The following STAC variants were observed in gnomAD, a reference collection of about 807,000 sequenced individuals.
STAC encodes SH3 and cysteine rich domain.
A neutral mutation model predicts 48.8 loss-of-function variants in STAC; 43 were observed. The ratio of observed to expected loss-of-function variants is 0.88; its 90% CI spans 0.69 to 1.14. The LOEUF (loss-of-function observed/expected upper bound fraction) is 1.14. Ranked by LOEUF, STAC falls within the 50% of genes most tolerant of loss-of-function variation. The pLI is 0.00. For missense variants in STAC, 497 were observed against 504.0 expected, an observed-to-expected ratio of 0.99 and a Z score of 0.13; for synonymous variants, 193 against 179.5, an observed-to-expected ratio of 1.07 and a Z score of -0.60.
At chr3:36,516,271 C>T (rs184224945) in intron 8 of STAC, among the ~76,000 whole-genome samples, 34 of 152,136 alleles carry the variant, frequency 2.2e-4, no homozygotes, top group African/African-American at 7.0e-4. Flanking sequence ...CGCGAACCAC[C>T]GTGCCCAGCC....
intron 6 of STAC, among the ~76,000 whole-genome samples, chr3:36,503,913 T>A (rs1254096807): frequency 2.0e-5 from 3 of 152,200 alleles, no homozygotes; most frequent in African/African-American, 4.8e-5. Flanking sequence ...AAAGCTTTAA[T>A]CTTCAAAATA....
chr3:36,540,875 T>C (rs1699308126), intron 10 of STAC, among the ~76,000 whole-genome samples: 1 of 152,196 alleles, frequency 6.6e-6, no homozygotes. Context: ...GCTTCTAAAT[T>C]TGTGGTGATT....
intron 1 of STAC, among the ~76,000 whole-genome samples, chr3:36,388,893 T>C (rs1448202307): frequency 4.6e-5 from 7 of 152,182 alleles, no homozygotes; most frequent in African/African-American, 1.7e-4. Context: ...TCAATTTTTG[T>C]AGCTTAATAA....
chr3:36,401,432 T>G (rs1442355094), intron 1 of STAC, among the ~76,000 whole-genome samples: 1 of 152,188 alleles, frequency 6.6e-6, no homozygotes, highest in Non-Finnish European at 1.5e-5. Flanking sequence ...AAAGCTACCT[T>G]AAGGACCTCG....
chr3:36,508,037 G>C (rs569763652), intron 8 of STAC, among the ~76,000 whole-genome samples: 2 of 152,072 alleles, frequency 1.3e-5, no homozygotes, highest in African/African-American at 2.4e-5. Flanking sequence ...GATCTTTCTT[G>C]CTTTCTCCTG....
In STAC at chr3:36,472,501, T is replaced by A. The variant is rs1697368620; in HGVS notation, c.389-10491T>A. ...TTCTATAGCATAGTGCGGCTGCACA[T>A]TTTCTGAACTTTGATGCTGTTTCCC... On this transcript the variant is annotated intron_variant, in intron 2 of 10. Coordinates refer to ENST00000273183, the MANE Select transcript of STAC (RefSeq NM_003149.3). Among the ~76,000 whole-genome samples the A allele has an allele frequency of 4.6e-5, 7 of 152,356 alleles. No homozygotes were observed. The South Asian group carries it at 1.4e-3, about 32-fold the overall frequency.
chr3:36,403,297 T>C (rs1044210073), intron 1 of STAC, among the ~76,000 whole-genome samples: 78 of 152,120 alleles, frequency 5.1e-4, no homozygotes, highest in Non-Finnish European at 9.0e-4. Context: ...AATCTCCCAA[T>C]ACATAGAACA....
At chr3:36,472,655 G>A (rs998380280) in intron 2 of STAC, among the ~76,000 whole-genome samples, 3 of 152,146 alleles carry the variant, frequency 2.0e-5, no homozygotes, top group African/African-American at 7.2e-5. Flanking sequence ...TCTAGGGCAG[G>A]GGCAAAATGC....
intron 1 of STAC, among the ~76,000 whole-genome samples, chr3:36,420,776 G>A (rs73059990): frequency 0.023 from 3,541 of 152,194 alleles, 61 homozygotes; most frequent in East Asian, 0.026. Context: ...TGGTACTTTT[G>A]TGATTGTTAA....
At chr3:36,466,797 GAC>G in intron 2 of STAC, among the ~76,000 whole-genome samples, 1 of 152,162 alleles carries the variant, frequency 6.6e-6, no homozygotes, top group South Asian at 2.1e-4. Context: ...AGCAAATAGC[GAC>G]AGTTTGACTT....
intron 1 of STAC, among the ~76,000 whole-genome samples, chr3:36,424,533 C>T (rs1700519859): frequency 6.6e-6 from 1 of 152,036 alleles, no homozygotes; most frequent in African/African-American, 2.4e-5. Context: ...TTAATGCCAC[C>T]CCAGTAGCAA....
intron 1 of STAC, among the ~76,000 whole-genome samples, chr3:36,403,357 A>C (rs1235348700): frequency 6.6e-6 from 1 of 152,190 alleles, no homozygotes; most frequent in Non-Finnish European, 1.5e-5. Flanking sequence ...GAAAGTTGAC[A>C]CAGGTCAACC....
chr3:36,419,195 C>T lies in STAC; in HGVS notation c.112-24169C>T, dbSNP rs533884198. Among the ~76,000 whole-genome samples the T allele has an allele frequency of 8.5e-5, 13 of 152,258 alleles. No homozygotes were observed. The South Asian group carries it at 2.7e-3, about 32-fold the overall frequency. On this transcript the variant is annotated intron_variant, in intron 1 of 10. Transcript: ENST00000273183. Reference sequence around the variant, plus strand: ...TCACTAACTTCTTTTAACTTAAATTCAATTCTATCTAATATTAATACTGCA... The same window carrying T: ...TCACTAACTTCTTTTAACTTAAATTTAATTCTATCTAATATTAATACTGCA...
chr3:36,454,130 G>T (rs1696779075), intron 2 of STAC, among the ~76,000 whole-genome samples: 1 of 152,190 alleles, frequency 6.6e-6, no homozygotes, highest in Non-Finnish European at 1.5e-5. Context: ...GCCCTAGCCA[G>T]CAGTAGCAAC....
At position 36,545,711 on chromosome 3, in the gene STAC, G is replaced by T. The variant is rs189542484; in HGVS notation, c.1111-480G>T. 5.3e-4 allele frequency among the ~76,000 whole-genome samples: 81 copies of T among 152,268 alleles called. 1 individual carries two copies. In the East Asian group the frequency reaches 0.015, roughly 28 times the overall value. On this transcript the variant is annotated intron_variant, in intron 10 of 10. Transcript: ENST00000273183. ...GAAATGTTAGCATCTATTTGCTTGA[G>T]GCCAGGAGTGAAATAGTTCCCTTTG...
intron 1 of STAC, among the ~76,000 whole-genome samples, chr3:36,405,838 G>A (rs899788837): frequency 1.3e-5 from 2 of 152,136 alleles, no homozygotes; most frequent in Admixed American, 6.5e-5. Context: ...TACTGCTTCA[G>A]CCTCCCAAGT....
chr3:36,407,230 T>C (rs927815820), intron 1 of STAC, among the ~76,000 whole-genome samples: 2 of 152,168 alleles, frequency 1.3e-5, no homozygotes, highest in African/African-American at 2.4e-5. Context: ...GGCCAGATGT[T>C]AGTAGTGCTT....
intron 10 of STAC, among the ~76,000 whole-genome samples, chr3:36,531,154 G>T (rs1157625814): frequency 6.6e-6 from 1 of 152,134 alleles, no homozygotes; most frequent in Non-Finnish European, 1.5e-5. Flanking sequence ...CACTCATTTG[G>T]TTACTGATTT....
chr3:36,444,796 T>C (rs2125668293), intron 2 of STAC, among the ~76,000 whole-genome samples: 1 of 152,280 alleles, frequency 6.6e-6, no homozygotes, highest in Admixed American at 6.5e-5. Context: ...TTTTGTTTGG[T>C]AGAGTCTGCT....
Sources: allele counts gnomAD v4.1 joint callset (sites outside exome capture counted in the v4.1 genomes callset), GRCh38; gene constraint gnomAD v4.1.1; transcripts MANE v1.5; gene names NCBI Gene and HGNC (gene_info 2026-07-23, HGNC 2026-07-21).